Variants in RBFOX1 observed in about 807,000 individuals in gnomAD.
RBFOX1 encodes the protein RNA binding fox-1 homolog 1, also known as RNA binding protein fox-1 homolog 1.
Under a neutral mutation model 57.7 loss-of-function variants are expected in RBFOX1, and 8 were observed. That is an observed-to-expected ratio of 0.14 (90% CI 0.08 to 0.25). RBFOX1 has a LOEUF of 0.25. Ranked by LOEUF, RBFOX1 falls within the 10% of genes least tolerant of loss-of-function variation. RBFOX1 has a pLI of 1.00. For synonymous variants in RBFOX1, 326 were observed against 222.4 expected (o/e 1.47, Z -4.15); for missense variants, 611 against 548.5 (o/e 1.11, Z -1.14).
At chr16:7,234,568 C>G in intron 4 of RBFOX1, among the ~76,000 whole-genome samples, 1 of 146,352 alleles carries the variant, frequency 6.8e-6, no homozygotes, top group Non-Finnish European at 1.5e-5. Context: ...TCTTCTGTTG[C>G]AAATGACATG....
chr16:6,077,220 G>A (rs1157686648), intron 1 of RBFOX1, among the ~76,000 whole-genome samples: 1 of 152,126 alleles, frequency 6.6e-6, no homozygotes, highest in Non-Finnish European at 1.5e-5. Flanking sequence ...ACGGTTCTCT[G>A]CTGACATTTC....
At chr16:5,251,610 G>A (rs1244982248) in intron 1 of RBFOX1, among the ~76,000 whole-genome samples, 1 of 152,132 alleles carries the variant, frequency 6.6e-6, no homozygotes, top group African/African-American at 2.4e-5. Flanking sequence ...TTATATTAAA[G>A]CCACTTCCAG....
intron 4 of RBFOX1, among the ~76,000 whole-genome samples, chr16:7,133,678 A>G (rs1308134269): frequency 6.6e-6 from 1 of 152,238 alleles, no homozygotes; most frequent in Non-Finnish European, 1.5e-5. Flanking sequence ...AAGCAAAAAA[A>G]TTAATTGTTT....
chr16:7,088,299 G>C (rs2060290836), intron 4 of RBFOX1, among the ~76,000 whole-genome samples: 3 of 152,134 alleles, frequency 2.0e-5, no homozygotes, highest in Admixed American at 1.3e-4. Context: ...GAACTGCTCT[G>C]AGTAGTGATG....
intron 2 of RBFOX1, among the ~76,000 whole-genome samples, chr16:5,589,794 A>G (rs139930021): frequency 6.6e-6 from 1 of 152,306 alleles, no homozygotes; most frequent in Non-Finnish European, 1.5e-5. Context: ...CCACCCAGAC[A>G]GACTCCTGGC....
intron 2 of RBFOX1, among the ~76,000 whole-genome samples, chr16:5,542,536 C>T (rs548091099): frequency 2.6e-5 from 4 of 151,944 alleles, no homozygotes; most frequent in South Asian, 4.2e-4. Flanking sequence ...GGGTTACAGG[C>T]GTGAACCACC....
chr16:6,298,034 CTGCATT>C (rs754157251), intron 1 of RBFOX1, among the ~76,000 whole-genome samples: 9 of 152,204 alleles, frequency 5.9e-5, no homozygotes, highest in Non-Finnish European at 1.2e-4. Flanking sequence ...CACTGGTCCT[CTGCATT>C]TGCAAATAGG....
Position 5,947,588 on chromosome 16 carries a change from G to A in RBFOX1, c.351+80253G>A, listed in dbSNP as rs2059426464. Among the ~76,000 whole-genome samples, 1 of 152,156 alleles carries A rather than the reference G, an allele frequency of 6.6e-6. No homozygotes were observed. The highest frequency in any genetic ancestry group is 1.5e-5 in the Non-Finnish European group (1 of 68,026). On this transcript the variant is annotated intron_variant, in intron 4 of 19. Transcript: ENST00000641259. This position sits in a 1 kb window ranked among gnomAD's most constrained non-coding sequence, Gnocchi z 7.2. ...TTCTCACATATCAGCCTCCCAAAGT[G>A]CTGGGATTACATGCATGATCCACCA...
intron 1 of RBFOX1, among the ~76,000 whole-genome samples, chr16:5,345,430 C>T (rs2065119765): frequency 3.3e-5 from 5 of 152,328 alleles, no homozygotes; most frequent in African/African-American, 1.2e-4. Context: ...CCCATGCAGA[C>T]ATGTGGCCAG....
At chr16:6,672,360 G>C (rs1274148659) in intron 3 of RBFOX1, among the ~76,000 whole-genome samples, 1 of 151,094 alleles carries the variant, frequency 6.6e-6, no homozygotes, top group Non-Finnish European at 1.5e-5. Flanking sequence ...GAGAGTGAGA[G>C]AGAGAAGAGG....
chr16:6,375,586 C>T (rs373796486), intron 2 of RBFOX1, among the ~76,000 whole-genome samples: 2 of 152,078 alleles, frequency 1.3e-5, no homozygotes, highest in East Asian at 1.9e-4. Context: ...TGTGGATTCT[C>T]TGCCCCTTCT....
intron 9 of RBFOX1, among the ~76,000 whole-genome samples, chr16:7,600,302 A>G (rs372423363): frequency 6.6e-6 from 1 of 152,356 alleles, no homozygotes; most frequent in Admixed American, 6.5e-5. Flanking sequence ...AATTCTAATT[A>G]TATAAAGACT....
intron 4 of RBFOX1, among the ~76,000 whole-genome samples, chr16:7,280,763 C>G (rs1378161953): frequency 6.6e-6 from 1 of 152,078 alleles, no homozygotes; most frequent in African/African-American, 2.4e-5. Context: ...AAATCCCTGG[C>G]CTTTCCCCAT....
Position 6,173,604 on chromosome 16 carries a change from C to CTTTTTTT in RBFOX1, c.-126-143374_-126-143368dup, listed in dbSNP as rs35528338. Among the ~76,000 whole-genome samples, 96 of 70,946 alleles carry CTTTTTTT rather than the reference C, an allele frequency of 1.4e-3. 9 individuals are homozygous for CTTTTTTT. Among genetic ancestry groups the CTTTTTTT allele is most frequent in the African/African-American group, 4.7e-3 (80 of 17,056 alleles). 46.5% of individuals were successfully genotyped at this position (70,946 alleles called of 152,430 possible). ...GTATGGAGTGGACACTGACCACTCC[C>CTTTTTTT]TTTTTTTTTTTTTTTTTTTTTTTGA... is the stretch of plus-strand genomic sequence containing the variant. On this transcript the variant is annotated intron_variant, in intron 1 of 15. Coordinates refer to ENST00000550418, the MANE Select transcript of RBFOX1 (RefSeq NM_018723.4).
chr16:6,567,163 T>C (rs1015048630), intron 2 of RBFOX1, among the ~76,000 whole-genome samples: 3 of 152,192 alleles, frequency 2.0e-5, no homozygotes, highest in African/African-American at 4.8e-5. Flanking sequence ...TGACCCAGTC[T>C]TGGCAGTTTC....
At chr16:6,914,319 A>G (rs765438143) in intron 3 of RBFOX1, among the ~76,000 whole-genome samples, 4 of 152,220 alleles carry the variant, frequency 2.6e-5, no homozygotes, top group Non-Finnish European at 5.9e-5. Flanking sequence ...CCTTAGTGAT[A>G]TATCTAGTCC....
intron 1 of RBFOX1, among the ~76,000 whole-genome samples, chr16:6,292,052 C>G: frequency 6.6e-6 from 1 of 152,022 alleles, no homozygotes; most frequent in East Asian, 1.9e-4. Flanking sequence ...TCAGTGAATA[C>G]TGCTGTGCCT....
At chr16:6,166,636 A>G (rs1300979801) in intron 1 of RBFOX1, among the ~76,000 whole-genome samples, 1 of 152,172 alleles carries the variant, frequency 6.6e-6, no homozygotes, top group Non-Finnish European at 1.5e-5. Flanking sequence ...TCTTACTCTG[A>G]GCATAACGCC....
chr16:6,009,816 C>CTCTGTGTGTGTGTGTGTGTGTGTG (rs1555469438), intron 4 of RBFOX1, among the ~76,000 whole-genome samples: 6,280 of 148,454 alleles, frequency 0.042, 172 homozygotes, highest in South Asian at 0.1. Context: ...GTGTGTGTGT[C>CTCTGTGTGTGTGTGTGTGTGTGTG]TGTGTGTGTG....
Sources: gnomAD v4.1 joint callset for allele counts (sites outside exome capture counted in the v4.1 genomes callset) on GRCh38, gnomAD v4.1.1 for gene constraint, Gnocchi (gnomAD v3.1) non-coding constraint, MANE v1.5 for transcripts, NCBI Gene and HGNC (gene_info 2026-07-23, HGNC 2026-07-21) for gene names.